The following KLHDC8A variants were observed in gnomAD, a reference collection of about 807,000 sequenced individuals.
KLHDC8A encodes the protein kelch domain-containing protein 8A.
A neutral mutation model predicts 33.1 loss-of-function variants in KLHDC8A; 21 were observed. The ratio of observed to expected loss-of-function variants is 0.64; its 90% CI spans 0.45 to 0.91. The LOEUF is 0.91. KLHDC8A is among the 40% of genes least tolerant of loss of function. The pLI, the probability that KLHDC8A is intolerant of heterozygous loss-of-function variation, is 0.00. For missense variants in KLHDC8A, 435 were observed against 483.3 expected, an observed-to-expected ratio of 0.90 and a Z score of 0.94; for synonymous variants, 173 against 193.5, an observed-to-expected ratio of 0.89 and a Z score of 0.88.
chr1:205,339,037 G>A lies in KLHDC8A; in HGVS notation c.757+157C>T, dbSNP rs1023462403. The stretch of plus-strand genomic sequence containing the variant: ...TACCAATGAAGGAATTTGATTCCAA[G>A]AGTAGCCCTGAGTGGAGAGGGGTGC... On this transcript the variant is annotated intron_variant, in intron 4 of 5. Coordinates refer to ENST00000367155, the MANE Select transcript of KLHDC8A (RefSeq NM_018203.3). The surrounding 1 kb of genome is among the most constrained non-coding windows in gnomAD (Gnocchi z 5.1). Among the ~76,000 whole-genome samples the A allele has an allele frequency of 1.3e-5, 2 of 152,200 alleles. No homozygotes were observed. The highest frequency in any genetic ancestry group is 4.8e-5 in the African/African-American group (2 of 41,450).
In KLHDC8A at chr1:205,337,150, AG is replaced by A; in HGVS notation, c.*248del. ...TTCCTGTGCCTTTCTTTGCCTGTGCAGTAAGTGAAGACTCTCTTCAGAGTCA... is the reference window on the plus strand; with the variant it reads ...TTCCTGTGCCTTTCTTTGCCTGTGCATAAGTGAAGACTCTCTTCAGAGTCA... On this transcript the variant is annotated 3_prime_UTR_variant, in exon 6 of 6. Coordinates refer to ENST00000367155, the MANE Select transcript of KLHDC8A (RefSeq NM_018203.3). The A allele has an allele frequency of 1.9e-6, 1 of 525,950 alleles. No individual in the cohort carries two copies. Among genetic ancestry groups the A allele is most frequent in the Non-Finnish European group, 3.4e-6 (1 of 293,612 alleles). The allele number at this position is 525,950 out of a possible 1,614,324, so 32.6% of individuals were successfully genotyped here. A position where few individuals can be genotyped will look rare whatever the true frequency, so the allele number is the denominator to read the frequency against.
chr1:205,344,530 T>TGG (rs1284971945), intron 1 of KLHDC8A: 1 of 152,266 alleles, frequency 6.6e-6, no homozygotes, highest in South Asian at 2.1e-4. Context: ...CCCTCCGGTG[T>TGG]GGGGGCGGGC....
intron 1 of KLHDC8A, among the ~76,000 whole-genome samples, chr1:205,346,190 C>G (rs569955033): frequency 2.0e-5 from 3 of 152,336 alleles, no homozygotes; most frequent in Admixed American, 1.3e-4. Flanking sequence ...AATCAGAACT[C>G]ATAAATTCCA....
chr1:205,354,709 A>G (rs537868703), intron 1 of KLHDC8A, among the ~76,000 whole-genome samples: 1 of 152,192 alleles, frequency 6.6e-6, no homozygotes, highest in Non-Finnish European at 1.5e-5. Flanking sequence ...CCCATCACCA[A>G]AACTAATGCC....
In KLHDC8A at chr1:205,351,392, C is replaced by T. The variant is rs146726609; in HGVS notation, c.-190+5141G>A. 731 of 854,428 alleles carry T rather than the reference C, an allele frequency of 8.6e-4. 12 individuals carry two copies. In the East Asian group the frequency reaches 0.017, roughly 20 times the overall value. The allele number at this position is 854,428 out of a possible 1,614,324, so 52.9% of individuals were successfully genotyped here. ...GTGATAGATGAATGTGTGGAAATGGCGACTAGTGGACAACAGAACAATATT... is the reference window on the plus strand; with the variant it reads ...GTGATAGATGAATGTGTGGAAATGGTGACTAGTGGACAACAGAACAATATT... On this transcript the variant is annotated intron_variant, in intron 1 of 5. Coordinates refer to ENST00000367155, the MANE Select transcript of KLHDC8A (RefSeq NM_018203.3).
At chr1:205,354,576 T>C (rs889887067) in intron 1 of KLHDC8A, among the ~76,000 whole-genome samples, 20 of 152,106 alleles carry the variant, frequency 1.3e-4, no homozygotes, top group Admixed American at 1.2e-3. Context: ...TTGAGAGAAA[T>C]TGGAAGATGG....
intron 1 of KLHDC8A, among the ~76,000 whole-genome samples, chr1:205,350,364 T>C (rs1008468636): frequency 6.6e-6 from 1 of 152,174 alleles, no homozygotes; most frequent in African/African-American, 2.4e-5. Flanking sequence ...CAGGAGAGTA[T>C]GCAAGGGTGG....
At position 205,339,249 on chromosome 1, in the gene KLHDC8A, G is replaced by A. The variant is rs1434604977; in HGVS notation, c.702C>T (p.Arg234=). 4 of 1,614,062 alleles carry A rather than the reference G, an allele frequency of 2.5e-6. No homozygotes were observed. The highest frequency in any genetic ancestry group is 1.3e-5 in the African/African-American group (1 of 74,940). The change falls in exon 4 of 6, where the codon CGC becomes CGT. Residue 234 remains arginine (R), a synonymous_variant. Transcript: ENST00000367155. The surrounding 1 kb of genome is among the most constrained non-coding windows in gnomAD (Gnocchi z 5.1). ...LYSLGGLRQG[R]LYRQPKFLRT... is the part of the protein sequence containing the mutation. The stretch of plus-strand genomic sequence containing the variant: ...GCAGGAACTTGGGCTGCCGGTAGAG[G>A]CGACCTTGCCGCAGGCCTCCTAGGC...
At chr1:205,354,719 C>G (rs1456323302) in intron 1 of KLHDC8A, among the ~76,000 whole-genome samples, 3 of 152,118 alleles carry the variant, frequency 2.0e-5, no homozygotes, top group Non-Finnish European at 4.4e-5. Context: ...AAACTAATGC[C>G]TGGCATTCAA....
Position 205,343,431 on chromosome 1 carries a change from C to G in KLHDC8A, c.174G>C (p.Gln58His). ...CFEVYSPEAD[Q>H]WTALPRLPTA... The stretch of plus-strand genomic sequence containing the variant: ...TGGGCAGCCGGGGCAAGGCGGTCCA[C>G]TGGTCGGCCTCCGGGGAGTAGACCT... Residue 58 changes from glutamine to histidine, a missense_variant, in exon 2 of 6, where the codon CAG (glutamine) becomes CAC (histidine). Physicochemically the swap from Gln to His is conservative, Grantham distance 24. Transcript: ENST00000367155. 1 of 1,613,482 alleles carries G rather than the reference C, an allele frequency of 6.2e-7. No individual in the cohort carries two copies. The highest frequency in any genetic ancestry group is 1.3e-5 in the African/African-American group (1 of 75,054).
rs1338099568 is a variant in KLHDC8A, at chr1:205,343,401, G to A, written c.204C>T (p.Ala68=). The change falls in exon 2 of 6, where the codon GCC becomes GCT. Residue 68 remains alanine (A), a synonymous_variant. Coordinates refer to ENST00000367155, the MANE Select transcript of KLHDC8A (RefSeq NM_018203.3). The part of the protein sequence containing the change: ...QWTALPRLPT[A]RAGVAVTALG... Reference sequence around the variant, plus strand: ...GGGCGGTGACGGCCACCCCCGCCCGGGCTGTGGGCAGCCGGGGCAAGGCGG... The same window carrying A: ...GGGCGGTGACGGCCACCCCCGCCCGAGCTGTGGGCAGCCGGGGCAAGGCGG... 2 of 1,613,332 alleles carry A rather than the reference G, an allele frequency of 1.2e-6. No individual in the cohort carries two copies. The highest frequency in any genetic ancestry group is 1.1e-5 in the South Asian group (1 of 91,056).
intron 2 of KLHDC8A, among the ~76,000 whole-genome samples, chr1:205,341,621 T>C (rs927619513): frequency 2.0e-5 from 3 of 151,510 alleles, no homozygotes; most frequent in African/African-American, 4.9e-5. Flanking sequence ...ATCACCCTAA[T>C]TGCCACCTGT....
At chr1:205,351,722 C>A (rs9793189) in intron 1 of KLHDC8A, among the ~76,000 whole-genome samples, 48,661 of 151,222 alleles carry the variant, frequency 0.32, 8,126 homozygotes, top group East Asian at 0.48. Context: ...AGTTTGAGAC[C>A]AGCCTGATCA....
intron 1 of KLHDC8A, among the ~76,000 whole-genome samples, chr1:205,346,069 T>G (rs1214738519): frequency 3.9e-5 from 6 of 152,230 alleles, no homozygotes; most frequent in Non-Finnish European, 7.3e-5. Flanking sequence ...CTTACTACTT[T>G]GAGTTCTTGG....
At position 205,336,394 on chromosome 1, in the gene KLHDC8A, C is replaced by T. The variant is rs1662630106; in HGVS notation, c.*1005G>A. ...GGCAGAGCTCTTCAGAGGGGACAGC[C>T]AAGAACAGGTAGTCACTGGGGGCCC... On this transcript the variant is annotated 3_prime_UTR_variant, in exon 6 of 6. Transcript: ENST00000367155. 1 of 152,568 alleles carries T rather than the reference C, an allele frequency of 6.6e-6. No homozygotes were observed. 9.5% of individuals were successfully genotyped at this position (152,568 alleles called of 1,614,324 possible).
chr1:205,342,550 G>A (rs1276566159), intron 2 of KLHDC8A, among the ~76,000 whole-genome samples: 2 of 152,228 alleles, frequency 1.3e-5, no homozygotes. Context: ...GACTTGACAT[G>A]CAGCTAGTAT....
chr1:205,345,053 C>T (rs1662909257), intron 1 of KLHDC8A, among the ~76,000 whole-genome samples: 1 of 152,188 alleles, frequency 6.6e-6, no homozygotes, highest in African/African-American at 2.4e-5. Flanking sequence ...GTTTATAGGA[C>T]AGTAGTCCCC....
rs984947690 is a variant in KLHDC8A at position 205,343,260 on chromosome 1, C to T, written c.345G>A (p.Glu115=). ...CCGTGACAGAAATGCCCATGGCGGC[C>T]TCACGCAGCATGCTCCTCTTCTTCC... ...GKWKKRSMLR[E]AAMGISVTAK... is the part of the protein sequence containing the mutation. Residue 115 remains glutamate, a synonymous_variant, in exon 2 of 6, where the codon GAG becomes GAA. Coordinates refer to ENST00000367155, the MANE Select transcript of KLHDC8A (RefSeq NM_018203.3). 1.2e-6 allele frequency: 2 copies of T among 1,602,184 alleles called. No individual in the cohort carries two copies. Among genetic ancestry groups the T allele is most frequent in the Non-Finnish European group, 1.7e-6 (2 of 1,171,438 alleles).
chr1:205,356,522 A>T lies in KLHDC8A; in HGVS notation c.-190+11T>A, dbSNP rs1255600573. 4.4e-6 allele frequency: 2 copies of T among 456,306 alleles called. No homozygotes were observed. Among genetic ancestry groups the T allele is most frequent in the Admixed American group, 4.7e-5 (2 of 42,586 alleles). The allele number at this position is 456,306 out of a possible 1,614,324, so 28.3% of individuals were successfully genotyped here. On this transcript the variant is annotated intron_variant, in intron 1 of 5. Transcript: ENST00000367155. Reference sequence around the variant, plus strand: ...CATCACTCTGCATAGATGGATTGAAATAAAACTTACCTGACTGGAGGGAAA... The same window carrying T: ...CATCACTCTGCATAGATGGATTGAATTAAAACTTACCTGACTGGAGGGAAA...
Sources: allele counts gnomAD v4.1 joint callset (sites outside exome capture counted in the v4.1 genomes callset), GRCh38; gene constraint gnomAD v4.1.1; non-coding constraint Gnocchi (gnomAD v3.1); transcripts MANE v1.5; gene names NCBI Gene and HGNC (gene_info 2026-07-23, HGNC 2026-07-21).